Variants in USP6 observed in about 807,000 individuals in gnomAD.
USP6 encodes ubiquitin specific peptidase 6.
A neutral mutation model predicts 175.7 loss-of-function variants in USP6; 128 were observed. The ratio of observed to expected loss-of-function variants is 0.73; its 90% confidence interval spans 0.63 to 0.84. The LOEUF (loss-of-function observed/expected upper bound fraction) is 0.84. USP6 is among the 40% of genes least tolerant of loss of function. USP6 has a pLI of 0.00. For missense variants in USP6, 1,498 were observed against 1,760.3 expected (o/e 0.85, Z 2.67); for synonymous variants, 562 against 630.6 (o/e 0.89, Z 1.63).
intron 36 of USP6, among the ~76,000 whole-genome samples, 174 bp downstream of exon 36, chr17:5,171,089 C>T (rs1422581035): frequency 6.6e-6 from 1 of 152,164 alleles, no homozygotes; most frequent in African/African-American, 2.4e-5. Flanking sequence ...TGGCTCACAC[C>T]TGTAATCCCA....
Position 5,116,270 on chromosome 17 carries a change from C to T in USP6, c.-2398C>T, listed in dbSNP as rs562411239. ...GCTCTCTGCTCGACGCCACTCCCGG[C>T]CCCGCTCCGGGCGGCCCCCCTCACC... is the stretch of plus-strand genomic sequence containing the variant. On this transcript the variant is annotated 5_prime_UTR_variant, in exon 1 of 38. Transcript: ENST00000574788. 1.3e-5 allele frequency among the ~76,000 whole-genome samples: 2 copies of T among 152,080 alleles called. No individual in the cohort carries two copies. The highest frequency in any genetic ancestry group is 4.1e-4 in the South Asian group (2 of 4,830).
rs768920318 is a variant in USP6, at chr17:5,132,968, A to C, written c.254A>C (p.Glu85Ala). Residue 85 changes from glutamate (E) to alanine (A), a missense_variant, in exon 13 of 38, where the codon GAG (glutamate) becomes GCG (alanine). Coordinates refer to ENST00000574788, the MANE Select transcript of USP6 (RefSeq NM_001304284.2). The surrounding 1 kb of genome is among the most constrained non-coding windows in gnomAD (Gnocchi z 4.7). ...SKWMEMLGEW[E>A]TYKHSSKLID... ...TGGATGGAAATGCTGGGAGAATGGG[A>C]GACATATAAGCACAGTAGCAAAGTA... The C allele has an allele frequency of 1.4e-5, 23 of 1,613,986 alleles. No homozygotes were observed. The highest frequency in any genetic ancestry group is 1.9e-5 in the Non-Finnish European group (22 of 1,180,000).
chr17:5,133,103 C>T, intron 13 of USP6, 113 bp downstream of exon 13: 1 of 1,283,856 alleles, frequency 7.8e-7, no homozygotes, highest in Non-Finnish European at 1.1e-6. Flanking sequence ...GGCACACTGT[C>T]CTCGCCCAGA....
At chr17:5,142,559 T>G (rs1409390456) in intron 25 of USP6, 57 bp downstream of exon 25, 6 of 1,535,994 alleles carry the variant, frequency 3.9e-6, no homozygotes, top group Non-Finnish European at 5.3e-6. Flanking sequence ...GTTTAATCAT[T>G]TTTCTCTACT....
In USP6 at chr17:5,144,758, T is replaced by G. The variant is rs538267351; in HGVS notation, c.1887T>G (p.Ala629=). The G allele has an allele frequency of 8.7e-6, 14 of 1,613,830 alleles. No homozygotes were observed. In the South Asian group the frequency reaches 1.5e-4, roughly 18 times the overall value. ...FQQQDSQELL[A]FLLDGLHEDL... ...AACAAGACTCCCAAGAACTTCTGGC[T>G]TTTCTCTTGGATGGTCTTCATGAAG... The change falls in exon 26 of 38, where the codon GCT becomes GCG. Residue 629 remains alanine, a synonymous_variant. Coordinates refer to ENST00000574788, the MANE Select transcript of USP6 (RefSeq NM_001304284.2).
chr17:5,117,762 A>C (rs1378877588), intron 1 of USP6, among the ~76,000 whole-genome samples: 1 of 152,066 alleles, frequency 6.6e-6, no homozygotes, highest in African/African-American at 2.4e-5. Context: ...TAGTACAAGC[A>C]AGAGATGATG....
intron 2 of USP6, among the ~76,000 whole-genome samples, chr17:5,119,506 C>T (rs1418103621): frequency 6.6e-6 from 1 of 152,198 alleles, no homozygotes; most frequent in Non-Finnish European, 1.5e-5. Context: ...GCAAGCGAGG[C>T]TGGGGCCCAG....
At chr17:5,136,225 G>A (rs897338842) in intron 17 of USP6, among the ~76,000 whole-genome samples, 4 of 152,174 alleles carry the variant, frequency 2.6e-5, no homozygotes, top group African/African-American at 9.7e-5. Flanking sequence ...CCTCCCTGAG[G>A]GTCCTCCTGC....
rs71151843 is a variant in USP6, at chr17:5,158,614, G to GGAGAGAGAGA, written c.2829-2865_2829-2856dup. ...GAGAGAGAGAGAGAGAGGGAGAGGGGGAGAGAGAGAGAGAGAGAGAGAGAG... is the reference window on the plus strand; with the variant it reads ...GAGAGAGAGAGAGAGAGGGAGAGGGGGAGAGAGAGAGAGAGAGAGAGAGAGAGAGAGAGAG... On this transcript the variant is annotated intron_variant, in intron 31 of 37. Coordinates refer to ENST00000574788, the MANE Select transcript of USP6 (RefSeq NM_001304284.2). Among the ~76,000 whole-genome samples the GGAGAGAGAGA allele has an allele frequency of 9.1e-4, 24 of 26,352 alleles. 1 individual carries two copies. The highest frequency in any genetic ancestry group is 2.2e-3 in the South Asian group (2 of 900). The allele number at this position is 26,352 out of a possible 152,430, so 17.3% of individuals were successfully genotyped here. A position where few individuals can be genotyped will look rare whatever the true frequency, so the allele number is the denominator to read the frequency against.
chr17:5,155,318 A>T, intron 30 of USP6, 104 bp from the exon 31 acceptor site: 1 of 1,311,728 alleles, frequency 7.6e-7, no homozygotes, highest in Non-Finnish European at 1.1e-6. Flanking sequence ...GATAGTGACT[A>T]ATTTGAAATG....
At chr17:5,171,972 C>T (rs888883960) in intron 37 of USP6, among the ~76,000 whole-genome samples, 4 of 150,648 alleles carry the variant, frequency 2.7e-5, no homozygotes, top group Admixed American at 6.6e-5. Context: ...GTCAGGAGTT[C>T]GAGACCAGAC....
chr17:5,162,493 CAAG>C (rs900675290), intron 32 of USP6, among the ~76,000 whole-genome samples: 16 of 152,230 alleles, frequency 1.1e-4, no homozygotes, highest in African/African-American at 3.9e-4. Context: ...ATTTTACAAA[CAAG>C]GAGATAGGTG....
intron 19 of USP6, among the ~76,000 whole-genome samples, 164 bp downstream of exon 19, chr17:5,137,350 G>C (rs1168075478): frequency 6.6e-6 from 1 of 152,194 alleles, no homozygotes; most frequent in East Asian, 1.9e-4. Flanking sequence ...TCATCCCAGG[G>C]CAATGGCTGG....
At chr17:5,155,276 A>T in intron 30 of USP6, 146 bp from the exon 31 acceptor site, 1 of 1,009,546 alleles carries the variant, frequency 9.9e-7, no homozygotes, top group Non-Finnish European at 1.4e-6. Context: ...TTGTGTCAAT[A>T]AAGATGGTTT....
intron 18 of USP6, 66 bp from the exon 19 acceptor site, chr17:5,137,055 G>A: frequency 6.5e-7 from 1 of 1,536,106 alleles, no homozygotes; most frequent in African/African-American, 1.4e-5. Flanking sequence ...GTCTTCAGAG[G>A]CCCTGGAAGA....
At chr17:5,133,020 G>C in intron 13 of USP6, 30 bp downstream of exon 13, 1 of 1,609,512 alleles carries the variant, frequency 6.2e-7, no homozygotes, top group Non-Finnish European at 8.5e-7. Flanking sequence ...GCCCCTGGAA[G>C]CACTCTCTGC....
chr17:5,143,737 C>G (rs1243228968), intron 25 of USP6, among the ~76,000 whole-genome samples: 10 of 151,232 alleles, frequency 6.6e-5, no homozygotes, highest in South Asian at 2.1e-4. Context: ...CGAGAAACAC[C>G]CAAGAATGAT....
At chr17:5,164,287 A>C (rs2144137068) in intron 33 of USP6, among the ~76,000 whole-genome samples, 1 of 152,264 alleles carries the variant, frequency 6.6e-6, no homozygotes, top group Admixed American at 6.5e-5. Flanking sequence ...TATGCCCCAC[A>C]CACCGAGGTT....
chr17:5,150,012 G>C (rs2073719554), intron 30 of USP6, among the ~76,000 whole-genome samples: 1 of 152,126 alleles, frequency 6.6e-6, no homozygotes, highest in Non-Finnish European at 1.5e-5. Flanking sequence ...GGAAAGGAAA[G>C]GTCAGGTGCA....
Sources: gnomAD v4.1 joint callset for allele counts (sites outside exome capture counted in the v4.1 genomes callset) on GRCh38, gnomAD v4.1.1 for gene constraint, Gnocchi (gnomAD v3.1) non-coding constraint, MANE v1.5 for transcripts, NCBI Gene and HGNC (gene_info 2026-07-23, HGNC 2026-07-21) for gene names.